CDH5: variants seen among roughly 807,000 people sequenced by gnomAD.
CDH5 encodes cadherin-5.
CDH5 carries 28 observed loss-of-function variants against 62.0 expected under a neutral mutation model. The ratio of observed to expected loss-of-function variants is 0.45; its 90% CI spans 0.33 to 0.62. The LOEUF is 0.62. Ranked by LOEUF, CDH5 falls within the 20% of genes least tolerant of loss-of-function variation. CDH5 has a pLI of 0.02. For synonymous variants in CDH5, 464 were observed against 445.8 expected, an observed-to-expected ratio of 1.04 and a Z score of -0.52; for missense variants, 940 against 1,065.1, an observed-to-expected ratio of 0.88 and a Z score of 1.63.
At chr16:66,395,063 TG>T (rs1303434118) in intron 7 of CDH5, among the ~76,000 whole-genome samples, 3 of 126,032 alleles carry the variant, frequency 2.4e-5, no homozygotes, top group African/African-American at 9.4e-5. Flanking sequence ...TTTTTTTTTT[TG>T]GTGAGACAGG....
chr16:66,390,272 G>A (rs1442449063), intron 5 of CDH5, 131 bp from the exon 6 acceptor site: 8 of 671,402 alleles, frequency 1.2e-5, no homozygotes, highest in Non-Finnish European at 1.9e-5. Context: ...AGAATCCCAG[G>A]GGTATTATTA....
intron 7 of CDH5, chr16:66,392,768 A>C: frequency 4.7e-6 from 1 of 213,662 alleles, no homozygotes; most frequent in Non-Finnish European, 9.5e-6. Flanking sequence ...CCAAACCACA[A>C]AAGTAAGAAG....
At chr16:66,401,764 TCATCCCA>T (rs1174050306) in intron 11 of CDH5, among the ~76,000 whole-genome samples, 16 of 152,322 alleles carry the variant, frequency 1.1e-4, no homozygotes, top group African/African-American at 3.8e-4. Flanking sequence ...CCCCCCAGCA[TCATCCCA>T]CCGGGGGAGC....
At chr16:66,396,994 C>T (rs565969946) in intron 8 of CDH5, among the ~76,000 whole-genome samples, 1 of 152,316 alleles carries the variant, frequency 6.6e-6, no homozygotes, top group South Asian at 2.1e-4. Context: ...AGACTCTTTA[C>T]ATTTAAATGG....
At chr16:66,402,596 G>T in intron 11 of CDH5, 56 bp from the exon 12 acceptor site, 1 of 1,449,662 alleles carries the variant, frequency 6.9e-7, no homozygotes, top group East Asian at 2.4e-5. Flanking sequence ...GGGGCATGGG[G>T]GGCCGCCCAG....
At chr16:66,383,659 G>A (rs1596934725) in intron 2 of CDH5, among the ~76,000 whole-genome samples, 2 of 151,908 alleles carry the variant, frequency 1.3e-5, no homozygotes, top group African/African-American at 2.4e-5. Context: ...CACTGTCCTC[G>A]CAGGTCACAG....
intron 1 of CDH5, among the ~76,000 whole-genome samples, chr16:66,369,866 C>T (rs1232690129): frequency 3.3e-5 from 5 of 151,932 alleles, no homozygotes; most frequent in Non-Finnish European, 7.3e-5. Context: ...GTGATTGATT[C>T]GTGATGTCTG....
intron 1 of CDH5, chr16:66,377,397 T>C (rs1960805612): frequency 6.6e-6 from 1 of 152,030 alleles, no homozygotes; most frequent in South Asian, 2.1e-4. Context: ...ACCCTGGGAG[T>C]CCACTTCCTC....
chr16:66,382,710 C>T (rs1018188098), intron 2 of CDH5, among the ~76,000 whole-genome samples: 1 of 152,088 alleles, frequency 6.6e-6, no homozygotes, highest in Non-Finnish European at 1.5e-5. Flanking sequence ...GCTGGGTCTC[C>T]GAGGAACCAC....
intron 1 of CDH5, chr16:66,377,821 G>A (rs1046220806): frequency 6.6e-6 from 1 of 152,154 alleles, no homozygotes; most frequent in Non-Finnish European, 1.5e-5. Context: ...ACTCCTCGTG[G>A]GGCTGTAGAG....
chr16:66,373,684 G>C (rs1960734133), intron 1 of CDH5, among the ~76,000 whole-genome samples: 1 of 152,080 alleles, frequency 6.6e-6, no homozygotes, highest in Non-Finnish European at 1.5e-5. Flanking sequence ...CCCAAAGTTA[G>C]TGGCCAAATT....
At chr16:66,367,261 C>T (rs964612277) in intron 1 of CDH5, among the ~76,000 whole-genome samples, 4 of 152,242 alleles carry the variant, frequency 2.6e-5, no homozygotes, top group African/African-American at 9.6e-5. Context: ...AAGGAAGCTC[C>T]GAGCCTTGGC....
intron 3 of CDH5, 141 bp downstream of exon 3, chr16:66,387,238 A>G (rs1961002986): frequency 2.6e-6 from 2 of 779,184 alleles, no homozygotes; most frequent in Non-Finnish European, 4.0e-6. Context: ...GCCACTTTAC[A>G]TGATTTGAAA....
chr16:66,376,207 CCAAA>C (rs1960784153), intron 1 of CDH5: 1 of 152,194 alleles, frequency 6.6e-6, no homozygotes, highest in Non-Finnish European at 1.5e-5. Flanking sequence ...TACCATCACC[CCAAA>C]CACACGAGTA....
chr16:66,401,099 A>C, intron 11 of CDH5, 83 bp downstream of exon 11: 1 of 1,576,496 alleles, frequency 6.3e-7, no homozygotes, highest in Non-Finnish European at 8.7e-7. Context: ...CTTCACAGGA[A>C]AAGTAGAGGC....
intron 1 of CDH5, among the ~76,000 whole-genome samples, chr16:66,378,865 T>G: frequency 6.6e-6 from 1 of 151,542 alleles, no homozygotes; most frequent in African/African-American, 2.4e-5. Flanking sequence ...GATGAAGGAG[T>G]GAACAGATAA....
In CDH5 at chr16:66,403,051, T is replaced by C; in HGVS notation, c.2237T>C (p.Leu746Pro). Residue 746 changes from leucine to proline, a missense_variant, in exon 12 of 12, where the codon CTG (leucine) becomes CCG (proline). Leu to Pro is a moderately conservative substitution (Grantham distance 98). Coordinates refer to ENST00000341529, the MANE Select transcript of CDH5 (RefSeq NM_001795.5). This position sits in a 1 kb window ranked among gnomAD's most constrained non-coding sequence, Gnocchi z 4.3. Reference protein sequence around the residue: ...SESIAESLSSLGTDSSDSDVD... With the variant: ...SESIAESLSSPGTDSSDSDVD... ...TCCATAGCCGAGTCCCTCAGCTCCC[T>C]GGGCACCGACTCATCCGACTCTGAC... The C allele has an allele frequency of 6.2e-7, 1 of 1,613,510 alleles. No homozygotes were observed. Among genetic ancestry groups the C allele is most frequent in the Non-Finnish European group, 8.5e-7 (1 of 1,179,792 alleles).
At chr16:66,384,661 CAAAAAAAA>C (rs10630303) in intron 2 of CDH5, among the ~76,000 whole-genome samples, 29 of 101,598 alleles carry the variant, frequency 2.9e-4, no homozygotes, top group African/African-American at 1.1e-3. Context: ...GTACCTGTCT[CAAAAAAAA>C]AAAAAAAAAA....
At chr16:66,380,724 T>C (rs904277111) in intron 2 of CDH5, among the ~76,000 whole-genome samples, 1 of 151,174 alleles carries the variant, frequency 6.6e-6, no homozygotes, top group Non-Finnish European at 1.5e-5. Context: ...AAGGTGGTGG[T>C]GGTGGTGGTA....
Sources: allele counts gnomAD v4.1 joint callset (sites outside exome capture counted in the v4.1 genomes callset), GRCh38; gene constraint gnomAD v4.1.1; non-coding constraint Gnocchi (gnomAD v3.1); transcripts MANE v1.5; gene names NCBI Gene and HGNC (gene_info 2026-07-23, HGNC 2026-07-21).